NEGR1: variants seen among roughly 807,000 people sequenced by gnomAD.
NEGR1 encodes the protein neuronal growth regulator 1, also known as IgLON family member 4.
Under a neutral mutation model 40.9 loss-of-function variants are expected in NEGR1, and 10 were observed. That is an observed-to-expected ratio of 0.24 (90% CI 0.15 to 0.42). The LOEUF (loss-of-function observed/expected upper bound fraction) is 0.42, where lower values mean the gene tolerates loss of function less well. NEGR1 is among the 10% of genes least tolerant of loss of function. NEGR1 has a pLI of 1.00. For missense variants in NEGR1, 352 were observed against 438.9 expected (o/e 0.80, Z 1.77); for synonymous variants, 185 against 166.8 (o/e 1.11, Z -0.84).
At chr1:71,428,833 T>C (rs977234179) in intron 6 of NEGR1, among the ~76,000 whole-genome samples, 2 of 151,968 alleles carry the variant, frequency 1.3e-5, no homozygotes, top group Admixed American at 6.6e-5. Context: ...TTTGCAATGC[T>C]GCCCCTCAGA....
chr1:72,241,764 C>T (rs1390281927), intron 1 of NEGR1, among the ~76,000 whole-genome samples: 1 of 151,196 alleles, frequency 6.6e-6, no homozygotes, highest in African/African-American at 2.4e-5. Flanking sequence ...AGAAATCACC[C>T]AAATTACAAA....
At chr1:72,223,224 A>G (rs1406162623) in intron 1 of NEGR1, among the ~76,000 whole-genome samples, 1 of 152,164 alleles carries the variant, frequency 6.6e-6, no homozygotes, top group Admixed American at 6.6e-5. Flanking sequence ...CACATTTATG[A>G]CCTACAGATT....
intron 1 of NEGR1, among the ~76,000 whole-genome samples, chr1:72,155,511 T>C (rs1212274235): frequency 6.6e-6 from 1 of 152,042 alleles, no homozygotes; most frequent in Non-Finnish European, 1.5e-5. Flanking sequence ...AAAAGATGCA[T>C]TAATTATATT....
At chr1:71,627,956 T>G (rs1650840862) in intron 4 of NEGR1, among the ~76,000 whole-genome samples, 1 of 152,046 alleles carries the variant, frequency 6.6e-6, no homozygotes, top group South Asian at 2.1e-4. Context: ...CAGCAAGTGC[T>G]ACACAGACCA....
rs1038726269 is a variant in NEGR1 at position 71,928,576 on chromosome 1, A to T, written c.409+6503T>A. On this transcript the variant is annotated intron_variant, in intron 2 of 6. Coordinates refer to ENST00000357731, the MANE Select transcript of NEGR1 (RefSeq NM_173808.3). ...TATGTGTATATATATACCTATATAT[A>T]TTTTTTTTCCTGAGACAGCATCTCA... is the stretch of plus-strand genomic sequence containing the variant. Among the ~76,000 whole-genome samples the T allele has an allele frequency of 8.7e-5, 13 of 149,214 alleles. No individual in the cohort carries two copies. The South Asian group carries it at 1.5e-3, about 17-fold the overall frequency.
rs71074804 is a variant in NEGR1, at chr1:71,759,596, CTTTTTTTTTTTTT to C, written c.535+16563_535+16575del. On this transcript the variant is annotated intron_variant, in intron 3 of 6. Coordinates refer to ENST00000357731, the MANE Select transcript of NEGR1 (RefSeq NM_173808.3). The stretch of plus-strand genomic sequence containing the variant: ...ACAGGCGTGAGCCACTGCGTCCAGG[CTTTTTTTTTTTTT>C]TTTTTTTTTTTTTTTTTTGAGACGG... 1.5e-3 allele frequency among the ~76,000 whole-genome samples: 47 copies of C among 31,960 alleles called. 1 individual carries two copies. Among genetic ancestry groups the C allele is most frequent in the Non-Finnish European group, 2.8e-3 (44 of 15,854 alleles). 21.0% of individuals were successfully genotyped at this position (31,960 alleles called of 152,430 possible). A position where few individuals can be genotyped will look rare whatever the true frequency, so the allele number is the denominator to read the frequency against.
chr1:71,604,756 A>G (rs1650027090), intron 5 of NEGR1, among the ~76,000 whole-genome samples: 1 of 152,132 alleles, frequency 6.6e-6, no homozygotes, highest in Admixed American at 6.5e-5. Flanking sequence ...GTACTTGTCT[A>G]TGCATGCATA....
intron 6 of NEGR1, among the ~76,000 whole-genome samples, chr1:71,471,008 A>G (rs564637798): frequency 1.3e-5 from 2 of 152,196 alleles, no homozygotes; most frequent in South Asian, 4.1e-4. Flanking sequence ...TTTTCTGTCT[A>G]TCAGGTATCT....
At chr1:71,903,085 G>A (rs1385162179) in intron 2 of NEGR1, among the ~76,000 whole-genome samples, 2 of 151,678 alleles carry the variant, frequency 1.3e-5, no homozygotes, top group African/African-American at 4.8e-5. Context: ...AAATAAAAAG[G>A]AAGAAACTTG....
chr1:71,710,208 A>G (rs907005452), intron 3 of NEGR1, among the ~76,000 whole-genome samples: 2 of 152,214 alleles, frequency 1.3e-5, no homozygotes, highest in Non-Finnish European at 2.9e-5. Context: ...GCCCCAGTTA[A>G]AATGGCTAAT....
chr1:71,778,184 T>TAG (rs1656576646), intron 2 of NEGR1, among the ~76,000 whole-genome samples: 2 of 151,820 alleles, frequency 1.3e-5, no homozygotes, highest in Non-Finnish European at 2.9e-5. Flanking sequence ...CATATATATA[T>TAG]ATAGAGAGAG....
intron 6 of NEGR1, among the ~76,000 whole-genome samples, chr1:71,435,277 G>T (rs1266645410): frequency 6.6e-6 from 1 of 152,112 alleles, no homozygotes; most frequent in Non-Finnish European, 1.5e-5. Context: ...GATTAGAGAA[G>T]AATTGAAGTT....
chr1:71,962,836 C>A (rs1171422490), intron 1 of NEGR1, among the ~76,000 whole-genome samples: 2 of 150,644 alleles, frequency 1.3e-5, no homozygotes, highest in South Asian at 2.1e-4. Context: ...AGATGAGTCA[C>A]ATAAGAGACA....
chr1:71,767,097 G>A (rs1356175184), intron 3 of NEGR1, among the ~76,000 whole-genome samples: 5 of 152,120 alleles, frequency 3.3e-5, no homozygotes, highest in Admixed American at 1.3e-4. Flanking sequence ...TAGAAAATTG[G>A]TACTGAGGAG....
intron 6 of NEGR1, among the ~76,000 whole-genome samples, chr1:71,421,753 A>G (rs894339400): frequency 2.0e-5 from 3 of 152,116 alleles, no homozygotes; most frequent in African/African-American, 7.2e-5. Flanking sequence ...ATACATTCTG[A>G]TGTATTCTTA....
At chr1:71,690,207 G>A (rs1053965583) in intron 4 of NEGR1, among the ~76,000 whole-genome samples, 4 of 151,894 alleles carry the variant, frequency 2.6e-5, no homozygotes, top group Non-Finnish European at 4.4e-5. Context: ...GTTTAATAAT[G>A]ATGCTATGGC....
At chr1:71,569,133 G>A (rs527302885) in intron 6 of NEGR1, among the ~76,000 whole-genome samples, 66 of 152,020 alleles carry the variant, frequency 4.3e-4, no homozygotes, top group African/African-American at 1.5e-3. Context: ...AGCCAAGATG[G>A]TCTTGATCTC....
intron 1 of NEGR1, among the ~76,000 whole-genome samples, chr1:72,183,738 T>C (rs1393840727): frequency 6.6e-6 from 1 of 152,172 alleles, no homozygotes; most frequent in Non-Finnish European, 1.5e-5. Context: ...TTACCTTCAG[T>C]ACAATTTGCT....
At chr1:72,135,375 C>CAAAAAAAAAAAAAAAAAAAAAAAAA (rs71074819) in intron 1 of NEGR1, among the ~76,000 whole-genome samples, 1 of 71,380 alleles carries the variant, frequency 1.4e-5, no homozygotes, top group Non-Finnish European at 2.6e-5. Flanking sequence ...GACTCCGTCT[C>CAAAAAAAAAAAAAAAAAAAAAAAAA]AAAAAAAAAA....
Sources: allele counts gnomAD v4.1 joint callset (sites outside exome capture counted in the v4.1 genomes callset), GRCh38; gene constraint gnomAD v4.1.1; transcripts MANE v1.5; gene names NCBI Gene and HGNC (gene_info 2026-07-23, HGNC 2026-07-21).